The following NME9 variants were observed in gnomAD, a reference collection of about 807,000 sequenced individuals.
NME9 encodes the protein NME/NM23 family member 9.
In NME9, 48 loss-of-function variants were observed where a neutral mutation model predicts 44.4. That is an observed-to-expected ratio of 1.08 (90% CI 0.86 to 1.37). The LOEUF is 1.37. Among genes scored for constraint, NME9 ranks in the 40% most tolerant of loss-of-function variants. The probability of loss-of-function intolerance (pLI) is 0.00; values close to 1 mark genes in which losing one functional copy is unlikely to be tolerated. For missense variants in NME9, 325 were observed against 405.2 expected (o/e 0.80, Z 1.70); for synonymous variants, 139 against 147.1 (o/e 0.94, Z 0.40).
chr3:138,305,129 G>A, intron 8 of NME9, 102 bp from the exon 9 acceptor site: 1 of 1,113,000 alleles, frequency 9.0e-7, no homozygotes, highest in Non-Finnish European at 1.3e-6. Flanking sequence ...GAGTTAGTGA[G>A]CAGCCTTGCT....
At chr3:138,261,502 G>A (rs2108253561) in exon 9 of NME9, 1 of 152,258 alleles carries the variant, frequency 6.6e-6, no homozygotes, top group South Asian at 2.1e-4. Context: ...GGAGCTAGAG[G>A]TCAGGAAAGA....
At chr3:138,280,470 AC>A (rs1339038212) in intron 8 of NME9, among the ~76,000 whole-genome samples, 4 of 149,208 alleles carry the variant, frequency 2.7e-5, no homozygotes, top group Non-Finnish European at 5.9e-5. Flanking sequence ...GGTGCCCACC[AC>A]CATGCCTGGT....
chr3:138,274,718 C>A (rs905083837), intron 8 of NME9, among the ~76,000 whole-genome samples: 4 of 152,194 alleles, frequency 2.6e-5, no homozygotes, highest in Non-Finnish European at 5.9e-5. Flanking sequence ...AAGACTTCTT[C>A]CTGAAATAGA....
intron 8 of NME9, among the ~76,000 whole-genome samples, chr3:138,286,235 G>A (rs766707762): frequency 1.3e-4 from 20 of 152,092 alleles, no homozygotes; most frequent in African/African-American, 3.6e-4. Flanking sequence ...GAGCCACTGC[G>A]CCCAACCTTC....
At chr3:138,315,504 T>C in intron 5 of NME9, 23 bp downstream of exon 5, 2 of 1,495,578 alleles carry the variant, frequency 1.3e-6, no homozygotes, top group Non-Finnish European at 1.8e-6. Flanking sequence ...AGTTAGCTGC[T>C]TATAGAAGTG....
At position 138,301,239 on chromosome 3, in the gene NME9, C is replaced by G; in HGVS notation, c.*401G>C. On this transcript the variant is annotated 3_prime_UTR_variant, in exon 11 of 11. Coordinates refer to ENST00000333911, the MANE Select transcript of NME9 (RefSeq NM_001349018.2). ...ATTATTATTAAGATGGAGTCTCACT[C>G]TGTCACCCAGGCTGGAGTGCAGTGG... The G allele has an allele frequency of 1.7e-6, 1 of 579,954 alleles. No individual in the cohort carries two copies. The highest frequency in any genetic ancestry group is 2.2e-6 in the Non-Finnish European group (1 of 457,052). The allele number at this position is 579,954 out of a possible 1,614,324, so 35.9% of individuals were successfully genotyped here.
intron 8 of NME9, among the ~76,000 whole-genome samples, chr3:138,305,311 T>C (rs1359289849): frequency 6.6e-6 from 1 of 152,196 alleles, no homozygotes; most frequent in African/African-American, 2.4e-5. Context: ...TGAGATTATA[T>C]AAATTAGGCA....
intron 8 of NME9, chr3:138,263,891 C>A: frequency 7.5e-7 from 1 of 1,337,958 alleles, no homozygotes; most frequent in Non-Finnish European, 1.1e-6. Context: ...TCTGGTCCTT[C>A]ACTGAGTAAA....
At chr3:138,321,163 C>G (rs1238675920) in intron 2 of NME9, among the ~76,000 whole-genome samples, 1 of 152,092 alleles carries the variant, frequency 6.6e-6, no homozygotes, top group African/African-American at 2.4e-5. Context: ...AAGTCATGGA[C>G]CTAAGGTAAG....
intron 2 of NME9, among the ~76,000 whole-genome samples, chr3:138,322,485 G>GGTGTGTGTGTGT (rs10580643): frequency 6.8e-6 from 1 of 146,330 alleles, no homozygotes; most frequent in African/African-American, 2.5e-5. Flanking sequence ...AAGAAAAAGG[G>GGTGTGTGTGTGT]GTGTGTGTGT....
intron 8 of NME9, chr3:138,273,069 C>T: frequency 6.2e-7 from 1 of 1,613,206 alleles, no homozygotes; most frequent in South Asian, 1.1e-5. Flanking sequence ...TTTGAATGTG[C>T]TGATGAAGAC....
At chr3:138,299,239 C>T (rs995011067), downstream of NME9, among the ~76,000 whole-genome samples, 3 of 152,112 alleles carry the variant, frequency 2.0e-5, no homozygotes, top group African/African-American at 7.2e-5. Context: ...CCAAGGGCCA[C>T]TGAGTGGACT....
intron 8 of NME9, among the ~76,000 whole-genome samples, chr3:138,290,834 T>C (rs1292101975): frequency 2.0e-5 from 3 of 152,254 alleles, no homozygotes; most frequent in Non-Finnish European, 4.4e-5. Flanking sequence ...TATTAAAGAC[T>C]CTCATCTTAT....
chr3:138,305,899 G>C, intron 8 of NME9, 105 bp downstream of exon 8: 1 of 800,366 alleles, frequency 1.2e-6, no homozygotes, highest in South Asian at 1.5e-5. Flanking sequence ...TCCTATTTTG[G>C]TTCTTCATAA....
In NME9 at chr3:138,306,489, A is replaced by G. The variant is rs1207374854; in HGVS notation, c.461-9T>C. The G allele has an allele frequency of 4.4e-6, 7 of 1,585,008 alleles. No individual in the cohort carries two copies. In the Admixed American group the frequency reaches 7.0e-5, roughly 16 times the overall value. On this transcript the variant is annotated splice_polypyrimidine_tract_variant and intron_variant, in intron 6 of 10. Transcript: ENST00000333911. ...GGTCCTCTCTGATGAAACTAAGCCA[A>G]AAAATGGTGCTGTCAGATGCTGATG... is the stretch of plus-strand genomic sequence containing the variant.
chr3:138,283,335 G>C (rs1340341559), intron 8 of NME9, among the ~76,000 whole-genome samples: 1 of 152,246 alleles, frequency 6.6e-6, no homozygotes, highest in Non-Finnish European at 1.5e-5. Context: ...AATTATGTGA[G>C]TCTGAATCCC....
chr3:138,294,656 A>G (rs1381954719), intron 8 of NME9, among the ~76,000 whole-genome samples: 1 of 152,186 alleles, frequency 6.6e-6, no homozygotes, highest in Non-Finnish European at 1.5e-5. Flanking sequence ...TTGATCAGCT[A>G]TTGTACCTGA....
intron 8 of NME9, chr3:138,289,014 A>G: frequency 6.4e-7 from 1 of 1,566,434 alleles, no homozygotes; most frequent in Non-Finnish European, 8.7e-7. Context: ...GATTACCACC[A>G]TTTTGATTTT....
chr3:138,301,222 T>G lies in NME9; in HGVS notation c.*418A>C. ...TTACTTTTTTTTTTATTATTATTAT[T>G]AAGATGGAGTCTCACTCTGTCACCC... On this transcript the variant is annotated 3_prime_UTR_variant, in exon 11 of 11. Coordinates refer to ENST00000333911, the MANE Select transcript of NME9 (RefSeq NM_001349018.2). 1.5e-6 allele frequency: 1 copy of G among 654,992 alleles called. No individual in the cohort carries two copies. Among genetic ancestry groups the G allele is most frequent in the Non-Finnish European group, 1.9e-6 (1 of 528,542 alleles). The allele number at this position is 654,992 out of a possible 1,614,324, so 40.6% of individuals were successfully genotyped here. A position where few individuals can be genotyped will look rare whatever the true frequency, so the allele number is the denominator to read the frequency against.
Sources: allele counts gnomAD v4.1 joint callset (sites outside exome capture counted in the v4.1 genomes callset), GRCh38; gene constraint gnomAD v4.1.1; transcripts MANE v1.5; gene names NCBI Gene and HGNC (gene_info 2026-07-23, HGNC 2026-07-21).